Variants in KATNAL2 observed in about 807,000 individuals in gnomAD.
KATNAL2 encodes the protein katanin p60 ATPase-containing subunit A-like 2.
A neutral mutation model predicts 76.3 loss-of-function variants in KATNAL2; 52 were observed. The ratio of observed to expected loss-of-function variants is 0.68; its 90% CI spans 0.55 to 0.86. The LOEUF (loss-of-function observed/expected upper bound fraction) is 0.86, where lower values mean the gene tolerates loss of function less well. Among genes scored for constraint, KATNAL2 ranks in the 40% least tolerant of loss-of-function variants. The pLI is 0.00. For synonymous variants in KATNAL2, 243 were observed against 244.2 expected (o/e 1.00, Z 0.05); for missense variants, 660 against 668.9 (o/e 0.99, Z 0.15).
intron 4 of KATNAL2, among the ~76,000 whole-genome samples, chr18:47,050,634 A>G (rs2246877): frequency 0.34 from 52,380 of 152,122 alleles, 9,584 homozygotes; most frequent in Admixed American, 0.47. Flanking sequence ...CATTTTCCGA[A>G]ACCTGCTGGG....
intron 10 of KATNAL2, among the ~76,000 whole-genome samples, chr18:47,064,500 C>T (rs1281474553): frequency 6.6e-6 from 1 of 152,040 alleles, no homozygotes; most frequent in Non-Finnish European, 1.5e-5. Context: ...CTTAGAAAGG[C>T]GCCCGTCGGA....
chr18:47,065,116 A>T (rs2061750110), intron 10 of KATNAL2, among the ~76,000 whole-genome samples: 1 of 152,156 alleles, frequency 6.6e-6, no homozygotes, highest in East Asian at 1.9e-4. Context: ...TCTACCCTTC[A>T]ATCCAAGAAT....
intron 2 of KATNAL2, 30 bp from the exon 3 acceptor site, chr18:46,946,824 A>C (rs1297985869): frequency 1.3e-6 from 2 of 1,524,196 alleles, no homozygotes; most frequent in African/African-American, 2.7e-5. Flanking sequence ...CGGTCAGCCC[A>C]GTAACTGACT....
intron 3 of KATNAL2, among the ~76,000 whole-genome samples, chr18:47,045,329 C>CTTTTT (rs10533284): frequency 1.4e-5 from 2 of 139,490 alleles, no homozygotes. Flanking sequence ...CTTTTCTTTT[C>CTTTTT]TTTTTTTTTT....
rs1296462212 is a variant in KATNAL2, at chr18:47,045,612, C to T, written c.52-845C>T. On this transcript the variant is annotated intron_variant, in intron 3 of 17. Coordinates refer to ENST00000683218, the MANE Select transcript of KATNAL2 (RefSeq NM_001387690.1). ...TGCTGGGATTACAGGTATGAGCCAC[C>T]GCACCCAGCCATTGAAAAGTGTTTC... Among the ~76,000 whole-genome samples the T allele has an allele frequency of 2.6e-5, 4 of 152,068 alleles. No individual in the cohort carries two copies. In the South Asian group the frequency reaches 6.2e-4, roughly 24 times the overall value.
intron 10 of KATNAL2, among the ~76,000 whole-genome samples, chr18:47,066,257 G>A (rs2061788560): frequency 6.6e-6 from 1 of 152,058 alleles, no homozygotes; most frequent in Admixed American, 6.5e-5. Flanking sequence ...TATTCAGTTT[G>A]CCTGAAACAA....
intron 10 of KATNAL2, among the ~76,000 whole-genome samples, chr18:47,064,952 G>A (rs1271318914): frequency 1.3e-5 from 2 of 152,266 alleles, no homozygotes; most frequent in East Asian, 1.9e-4. Context: ...AAATACTGCT[G>A]TTATCTATGG....
At chr18:47,099,812 T>C (rs145427699) in intron 16 of KATNAL2, among the ~76,000 whole-genome samples, 1 of 152,336 alleles carries the variant, frequency 6.6e-6, no homozygotes, top group Non-Finnish European at 1.5e-5. Flanking sequence ...TTATGCCCAT[T>C]ATCACTGGTG....
Position 47,059,652 on chromosome 18 carries a change from A to G in KATNAL2, c.547A>G (p.Arg183Gly). The change falls in exon 8 of 18, where the codon AGA becomes GGA. Residue 183 changes from arginine to glycine, a missense_variant and splice_region_variant. Physicochemically the swap from Arg to Gly is moderately radical, Grantham distance 125. Coordinates refer to ENST00000683218, the MANE Select transcript of KATNAL2 (RefSeq NM_001387690.1). ...TGGAGAGGAAAATGCCCACCCACGA[A>G]GAGTAAGTGAAACTCATGAACCTAA... ...DSGEENAHPR[R>G]GQIIDFQGLL... The G allele has an allele frequency of 6.2e-7, 1 of 1,600,938 alleles. No homozygotes were observed. The highest frequency in any genetic ancestry group is 8.6e-7 in the Non-Finnish European group (1 of 1,168,092).
At chr18:46,919,638 G>A (rs921169612) in intron 1 of KATNAL2, among the ~76,000 whole-genome samples, 30 of 152,312 alleles carry the variant, frequency 2.0e-4, no homozygotes, top group African/African-American at 7.2e-4. Flanking sequence ...AACAGAGTGA[G>A]ACTTTGTCTC....
rs187661024 is a variant in KATNAL2, at chr18:46,958,333, G to A, written c.51+11410G>A. Among the ~76,000 whole-genome samples the A allele has an allele frequency of 3.2e-3, 480 of 152,004 alleles. 2 individuals carry two copies. Among genetic ancestry groups the A allele is most frequent in the African/African-American group, 0.011 (465 of 41,454 alleles). The stretch of plus-strand genomic sequence containing the variant: ...CCTGTCAGCTTCTATAATCACATGA[G>A]CGTTATAATAATAAATCCTTATAAT... On this transcript the variant is annotated intron_variant, in intron 3 of 17. Coordinates refer to ENST00000683218, the MANE Select transcript of KATNAL2 (RefSeq NM_001387690.1).
chr18:47,041,731 G>T (rs1223950340), intron 3 of KATNAL2, among the ~76,000 whole-genome samples: 1 of 152,186 alleles, frequency 6.6e-6, no homozygotes, highest in Non-Finnish European at 1.5e-5. Flanking sequence ...GGTTGCAATT[G>T]TTGGGTCAGA....
Position 46,946,419 on chromosome 18 carries a change from G to A in KATNAL2, c.-147G>A, listed in dbSNP as rs2059382439. 9.6e-7 allele frequency: 1 copy of A among 1,037,390 alleles called. No individual in the cohort carries two copies. The highest frequency in any genetic ancestry group is 1.7e-5 in the African/African-American group (1 of 58,538). The allele number at this position is 1,037,390 out of a possible 1,614,324, so 64.3% of individuals were successfully genotyped here. A position where few individuals can be genotyped will look rare whatever the true frequency, so the allele number is the denominator to read the frequency against. On this transcript the variant is annotated 5_prime_UTR_variant, in exon 2 of 18. Transcript: ENST00000683218. ...GCACAGAGAATTTCAAAGAAAAGCA[G>A]AATAGATTTCCAAACCTTTACCCTA...
rs2060690819 is a variant in KATNAL2 at position 47,034,902 on chromosome 18, G to A, written c.52-11555G>A. 4 of 1,612,060 alleles carry A rather than the reference G, an allele frequency of 2.5e-6. No homozygotes were observed. The East Asian group carries it at 8.9e-5, about 36-fold the overall frequency. On this transcript the variant is annotated intron_variant, in intron 3 of 17. Transcript: ENST00000683218. ...GTCTGTGCTCAGGGCTGTGAGATGG[G>A]CTCCTGGGGGCCGTCGCGTTTTCTG...
At chr18:46,923,117 G>T (rs888995369) in intron 1 of KATNAL2, among the ~76,000 whole-genome samples, 1 of 150,374 alleles carries the variant, frequency 6.7e-6, no homozygotes, top group African/African-American at 2.4e-5. Context: ...ACAACGTGCA[G>T]GTTTGTTACA....
Position 47,046,648 on chromosome 18 carries a change from A to G in KATNAL2, c.122+121A>G, listed in dbSNP as rs1217560322. On this transcript the variant is annotated intron_variant, in intron 4 of 17. Transcript: ENST00000683218. The stretch of plus-strand genomic sequence containing the variant: ...TTAGAGCAATTCTATATTTACAGAA[A>G]AATCGAGCAGAAAGTACAGAGTTCT... 4.0e-6 allele frequency: 3 copies of G among 749,664 alleles called. No homozygotes were observed. In the Admixed American group the frequency reaches 7.7e-5, roughly 19 times the overall value. The allele number at this position is 749,664 out of a possible 1,614,324, so 46.4% of individuals were successfully genotyped here.
At chr18:46,952,456 A>G (rs532173716) in intron 3 of KATNAL2, among the ~76,000 whole-genome samples, 3 of 139,254 alleles carry the variant, frequency 2.2e-5, no homozygotes, top group South Asian at 4.6e-4. Flanking sequence ...CTGGAGTGCA[A>G]TGGTGCGATG....
rs1487495821 is a variant in KATNAL2, at chr18:47,052,917, A to T, written c.160A>T (p.Lys54Ter). The change falls in exon 5 of 18, where the codon AAA becomes TAA. Residue 54 changes from lysine to a stop codon, truncating the protein, a stop_gained. Coordinates refer to ENST00000683218, the MANE Select transcript of KATNAL2 (RefSeq NM_001387690.1). LOFTEE classifies it high-confidence loss of function. ...DTANALEQETKLGLRRFEVCD... is the reference protein window; with the variant it reads ...DTANALEQET ...AGCAAATGCTTTGGAGCAAGAAACT[A>T]AACTGGGGTTACGACGGTTTGAAGT... The T allele has an allele frequency of 6.2e-7, 1 of 1,612,338 alleles. No individual in the cohort carries two copies. The highest frequency in any genetic ancestry group is 2.2e-5 in the East Asian group (1 of 44,824).
At chr18:47,099,517 C>T (rs146753620) in intron 16 of KATNAL2, 112 bp downstream of exon 16, 1 of 1,002,242 alleles carries the variant, frequency 1.0e-6, no homozygotes. Flanking sequence ...AGAATAAGAT[C>T]CAAGCTGCCC....
Sources: gnomAD v4.1 joint callset for allele counts (sites outside exome capture counted in the v4.1 genomes callset) on GRCh38, gnomAD v4.1.1 for gene constraint, MANE v1.5 for transcripts, NCBI Gene and HGNC (gene_info 2026-07-23, HGNC 2026-07-21) for gene names.